Variants in IQCM observed in about 807,000 individuals in gnomAD.
The protein encoded by IQCM is IQ motif containing M.
A neutral mutation model predicts 57.6 loss-of-function variants in IQCM; 45 were observed. The observed-to-expected ratio is 0.78, with a 90% CI of 0.62 to 1.00. IQCM has a LOEUF of 1.00. Among genes scored for constraint, IQCM ranks in the 50% least tolerant of loss-of-function variants. The probability of loss-of-function intolerance (pLI) is 0.00; values close to 1 mark genes in which losing one functional copy is unlikely to be tolerated. For synonymous variants in IQCM, 148 were observed against 158.9 expected (o/e 0.93, Z 0.51); for missense variants, 468 against 511.6 (o/e 0.91, Z 0.82).
At chr4:149,678,302 T>C (rs1761918541) in intron 7 of IQCM, among the ~76,000 whole-genome samples, 1 of 151,626 alleles carries the variant, frequency 6.6e-6, no homozygotes, top group Admixed American at 6.6e-5. Context: ...GCAAATAACA[T>C]AAAAAAGCTC....
intron 8 of IQCM, among the ~76,000 whole-genome samples, chr4:149,618,213 G>C (rs975598449): frequency 5.3e-5 from 8 of 152,042 alleles, no homozygotes; most frequent in African/African-American, 1.7e-4. Flanking sequence ...TTACAACCAA[G>C]TGATCTTTGA....
chr4:149,479,728 T>C (rs1740572083), intron 12 of IQCM, among the ~76,000 whole-genome samples: 1 of 152,138 alleles, frequency 6.6e-6, no homozygotes, highest in Non-Finnish European at 1.5e-5. Context: ...ATCTCTGGCC[T>C]GGGATGATGG....
intron 7 of IQCM, among the ~76,000 whole-genome samples, chr4:149,642,597 G>A (rs1035223539): frequency 3.3e-5 from 5 of 152,100 alleles, no homozygotes. Context: ...GACTACACAG[G>A]AAAATTTGGA....
At chr4:149,715,385 T>A (rs1764904993) in intron 5 of IQCM, among the ~76,000 whole-genome samples, 1 of 152,188 alleles carries the variant, frequency 6.6e-6, no homozygotes, top group Admixed American at 6.5e-5. Context: ...ATACCAGGCA[T>A]ACTGCAAGCA....
chr4:149,626,176 A>G (rs908343212), intron 7 of IQCM, among the ~76,000 whole-genome samples: 4 of 151,870 alleles, frequency 2.6e-5, no homozygotes, highest in African/African-American at 9.7e-5. Flanking sequence ...CAGCATAGCT[A>G]GAATATAAGC....
intron 7 of IQCM, among the ~76,000 whole-genome samples, chr4:149,633,541 T>C (rs1027734035): frequency 6.6e-6 from 1 of 152,228 alleles, no homozygotes; most frequent in African/African-American, 2.4e-5. Flanking sequence ...AGATGCTCTG[T>C]CTTCTCTCTC....
At chr4:149,405,273 G>C (rs901163107) in intron 13 of IQCM, among the ~76,000 whole-genome samples, 1 of 152,052 alleles carries the variant, frequency 6.6e-6, no homozygotes, top group Non-Finnish European at 1.5e-5. Context: ...GAACTTCCTA[G>C]GTCCTCATTC....
chr4:149,399,540 T>C (rs552579030), intron 13 of IQCM, among the ~76,000 whole-genome samples: 12 of 152,178 alleles, frequency 7.9e-5, no homozygotes, highest in South Asian at 2.1e-4. Context: ...AATGTAAATA[T>C]AAAAGACACT....
At chr4:149,455,901 A>T (rs566868708) in intron 12 of IQCM, among the ~76,000 whole-genome samples, 1 of 151,856 alleles carries the variant, frequency 6.6e-6, no homozygotes, top group African/African-American at 2.4e-5. Flanking sequence ...CCTGAGCCCA[A>T]GAGGTGGAGG....
At chr4:149,757,370 T>A (rs138926089) in intron 2 of IQCM, among the ~76,000 whole-genome samples, 13 of 127,650 alleles carry the variant, frequency 1.0e-4, no homozygotes, top group East Asian at 6.4e-4. Context: ...TACAAAAAAA[T>A]AAACAGATTC....
chr4:149,764,205 G>C (rs767897202), intron 2 of IQCM, among the ~76,000 whole-genome samples: 2 of 152,194 alleles, frequency 1.3e-5, no homozygotes, highest in Middle Eastern at 3.4e-3. Context: ...TCACCCCCAA[G>C]CACTGGGAGA....
At chr4:149,719,551 CAT>C (rs1490319074) in intron 5 of IQCM, among the ~76,000 whole-genome samples, 1 of 152,150 alleles carries the variant, frequency 6.6e-6, no homozygotes, top group Non-Finnish European at 1.5e-5. Context: ...CACTGATTCA[CAT>C]AAACTGGAAA....
At chr4:149,691,440 A>G (rs1762931643) in intron 5 of IQCM, among the ~76,000 whole-genome samples, 1 of 152,162 alleles carries the variant, frequency 6.6e-6, no homozygotes, top group South Asian at 2.1e-4. Context: ...ATAATGGTTA[A>G]TAAAGCACTA....
chr4:149,415,182 C>T (rs1733657343), intron 13 of IQCM, among the ~76,000 whole-genome samples: 1 of 152,056 alleles, frequency 6.6e-6, no homozygotes, highest in African/African-American at 2.4e-5. Context: ...AGAAGGATAG[C>T]CTTGAACATT....
chr4:149,356,853 C>G (rs1382273099), intron 13 of IQCM, among the ~76,000 whole-genome samples: 1 of 152,054 alleles, frequency 6.6e-6, no homozygotes. Context: ...CCATTTTCAT[C>G]ATATTGATTC....
intron 12 of IQCM, among the ~76,000 whole-genome samples, chr4:149,442,123 G>A (rs1736003824): frequency 6.6e-6 from 1 of 152,128 alleles, no homozygotes; most frequent in African/African-American, 2.4e-5. Context: ...TCTAGCTGCT[G>A]CTTGATAACT....
chr4:149,631,953 T>G (rs188415391), intron 7 of IQCM, among the ~76,000 whole-genome samples: 1 of 152,322 alleles, frequency 6.6e-6, no homozygotes, highest in African/African-American at 2.4e-5. Flanking sequence ...ACATTTTGGC[T>G]CAAACTCTAC....
At chr4:149,472,791 A>T (rs1351423271) in intron 12 of IQCM, among the ~76,000 whole-genome samples, 1 of 152,224 alleles carries the variant, frequency 6.6e-6, no homozygotes, top group Non-Finnish European at 1.5e-5. Context: ...TCAATGGAAC[A>T]GAATAGAGCC....
intron 12 of IQCM, among the ~76,000 whole-genome samples, chr4:149,523,493 A>G (rs1745863203): frequency 1.3e-5 from 2 of 152,146 alleles, no homozygotes; most frequent in Admixed American, 1.3e-4. Flanking sequence ...ATATAAAAAT[A>G]AATATGTTTA....
Sources: gnomAD v4.1 joint callset for allele counts (sites outside exome capture counted in the v4.1 genomes callset) on GRCh38, gnomAD v4.1.1 for gene constraint, MANE v1.5 for transcripts, NCBI Gene and HGNC (gene_info 2026-07-23, HGNC 2026-07-21) for gene names.